Variants in PLEKHG3 observed in about 807,000 individuals in gnomAD.
The protein encoded by PLEKHG3 is pleckstrin homology domain-containing family G member 3.
A neutral mutation model predicts 94.9 loss-of-function variants in PLEKHG3; 62 were observed. The observed-to-expected ratio is 0.65, with a 90% CI of 0.53 to 0.81. The LOEUF (loss-of-function observed/expected upper bound fraction) is 0.81. PLEKHG3 is among the 30% of genes least tolerant of loss of function. The probability of loss-of-function intolerance (pLI) is 0.00; values close to 1 mark genes in which losing one functional copy is unlikely to be tolerated. For missense variants in PLEKHG3, 1,461 were observed against 1,619.3 expected, an observed-to-expected ratio of 0.90 and a Z score of 1.68; for synonymous variants, 614 against 654.0, an observed-to-expected ratio of 0.94 and a Z score of 0.93.
Position 64,738,781 on chromosome 14 carries a change from A to G in PLEKHG3, c.1444A>G (p.Arg482Gly). The change falls in exon 15 of 17, where the codon AGA (arginine) becomes GGA (glycine). Residue 482 changes from arginine (R) to glycine (G), a missense_variant. Arg to Gly is a moderately radical substitution (Grantham distance 125, BLOSUM62 -2). This residue lies in a region of PLEKHG3 where 1,201 missense variants were observed against 1,295.5 expected (regional missense o/e 0.93). Coordinates refer to ENST00000247226, the MANE Select transcript of PLEKHG3 (RefSeq NM_001308147.2). This position sits in a 1 kb window ranked among gnomAD's most constrained non-coding sequence, Gnocchi z 4.8. ...RRESESSRSS[R>G]RPSGRSPTST... ...GGAGTCTGAAAGCTCCAGGAGCAGC[A>G]GAAGGCCCAGTGGCCGGTCTCCAAC... 6.3e-7 allele frequency: 1 copy of G among 1,599,500 alleles called. No homozygotes were observed. The highest frequency in any genetic ancestry group is 1.1e-5 in the South Asian group (1 of 88,294).
In PLEKHG3 at chr14:64,749,376, G is replaced by C. The variant is rs1444221072; in HGVS notation, c.*5673G>C. ...CTTGCCGAGGCTGGCGTCGGGGCCG[G>C]AGAGGGAAGGCAGGGGCAGGCTCTG... On this transcript the variant is annotated 3_prime_UTR_variant, in exon 17 of 17. Coordinates refer to ENST00000247226, the MANE Select transcript of PLEKHG3 (RefSeq NM_001308147.2). This position sits in a 1 kb window ranked among gnomAD's most constrained non-coding sequence, Gnocchi z 4.7. The C allele has an allele frequency of 2.5e-6, 4 of 1,610,252 alleles. No homozygotes were observed. Among genetic ancestry groups the C allele is most frequent in the South Asian group, 1.1e-5 (1 of 91,022 alleles).
rs376479670 is a variant in PLEKHG3, at chr14:64,749,953, G to A, written c.*6250G>A. ...TAATGCCAAATCAAGCCATCAACCCGAGCTTTCAAAGGCCAGGAAGGCCTC... is the reference window on the plus strand; with the variant it reads ...TAATGCCAAATCAAGCCATCAACCCAAGCTTTCAAAGGCCAGGAAGGCCTC... On this transcript the variant is annotated 3_prime_UTR_variant, in exon 17 of 17. Coordinates refer to ENST00000247226, the MANE Select transcript of PLEKHG3 (RefSeq NM_001308147.2). The surrounding 1 kb of genome is among the most constrained non-coding windows in gnomAD (Gnocchi z 4.7). The A allele has an allele frequency of 2.6e-5, 42 of 1,613,984 alleles. No individual in the cohort carries two copies. The highest frequency in any genetic ancestry group is 5.3e-5 in the African/African-American group (4 of 74,932).
Position 64,739,305 on chromosome 14 carries a change from A to G in PLEKHG3, c.1518+450A>G, listed in dbSNP as rs763003858. ...TTATTTCTTCCTACTCTTCCCCACAATGGCTCTAGAAGGAAAAGGGCACTG... is the reference window on the plus strand; with the variant it reads ...TTATTTCTTCCTACTCTTCCCCACAGTGGCTCTAGAAGGAAAAGGGCACTG... On this transcript the variant is annotated intron_variant, in intron 15 of 16. Coordinates refer to ENST00000247226, the MANE Select transcript of PLEKHG3 (RefSeq NM_001308147.2). The surrounding 1 kb of genome is among the most constrained non-coding windows in gnomAD (Gnocchi z 4.1). Among the ~76,000 whole-genome samples, 3 of 152,120 alleles carry G rather than the reference A, an allele frequency of 2.0e-5. No individual in the cohort carries two copies. The highest frequency in any genetic ancestry group is 4.4e-5 in the Non-Finnish European group (3 of 68,010).
At chr14:64,708,394 A>C (rs980839858) in intron 1 of PLEKHG3, among the ~76,000 whole-genome samples, 14 of 152,202 alleles carry the variant, frequency 9.2e-5, no homozygotes, top group African/African-American at 3.4e-4. Context: ...TGGAGGTCGG[A>C]AGCGGAGTGG....
At chr14:64,714,652 C>T (rs1220701128) in intron 1 of PLEKHG3, among the ~76,000 whole-genome samples, 4 of 152,312 alleles carry the variant, frequency 2.6e-5, no homozygotes, top group African/African-American at 9.6e-5. Flanking sequence ...CTTCTTTTCA[C>T]ACAGGAAGTC....
intron 1 of PLEKHG3, among the ~76,000 whole-genome samples, chr14:64,712,966 G>T (rs767198766): frequency 2.0e-5 from 3 of 152,112 alleles, no homozygotes; most frequent in Admixed American, 1.3e-4. Context: ...TGTAAGGTTG[G>T]GGATATTCTC....
chr14:64,749,740 G>A lies in PLEKHG3; in HGVS notation c.*6037G>A. 6.2e-7 allele frequency: 1 copy of A among 1,605,862 alleles called. No homozygotes were observed. On this transcript the variant is annotated 3_prime_UTR_variant, in exon 17 of 17. Coordinates refer to ENST00000247226, the MANE Select transcript of PLEKHG3 (RefSeq NM_001308147.2). This position sits in a 1 kb window ranked among gnomAD's most constrained non-coding sequence, Gnocchi z 4.7. ...TCCTGTCATGGAGACACCTCTGGAGGGGGCGCTGGGCAGAGGGCTGGCTCT... is the reference window on the plus strand; with the variant it reads ...TCCTGTCATGGAGACACCTCTGGAGAGGGCGCTGGGCAGAGGGCTGGCTCT...
In PLEKHG3 at chr14:64,750,204, T is replaced by C. The variant is rs760084781; in HGVS notation, c.*6501T>C. 141 of 1,550,564 alleles carry C rather than the reference T, an allele frequency of 9.1e-5. No individual in the cohort carries two copies. Among genetic ancestry groups the C allele is most frequent in the Non-Finnish European group, 1.2e-4 (138 of 1,130,042 alleles). On this transcript the variant is annotated 3_prime_UTR_variant, in exon 17 of 17. Coordinates refer to ENST00000247226, the MANE Select transcript of PLEKHG3 (RefSeq NM_001308147.2). ...CACCCACATCCTGATATGGTATCTCTAGAGTCAATTCCTATAGCTTCACCA... is the reference window on the plus strand; with the variant it reads ...CACCCACATCCTGATATGGTATCTCCAGAGTCAATTCCTATAGCTTCACCA...
chr14:64,749,516 C>T lies in PLEKHG3; in HGVS notation c.*5813C>T, dbSNP rs1566729729. 1.3e-6 allele frequency: 2 copies of T among 1,597,426 alleles called. No homozygotes were observed. Among genetic ancestry groups the T allele is most frequent in the Middle Eastern group, 1.8e-4 (1 of 5,630 alleles). On this transcript the variant is annotated 3_prime_UTR_variant, in exon 17 of 17. Coordinates refer to ENST00000247226, the MANE Select transcript of PLEKHG3 (RefSeq NM_001308147.2). The surrounding 1 kb of genome is among the most constrained non-coding windows in gnomAD (Gnocchi z 4.7). ...ACGGTGGAGTCTGGAGGCCCACAGC[C>T]CCCCACCTCCCGGGCCAGGCAACAA...
Position 64,741,372 on chromosome 14 carries a change from G to T in PLEKHG3, c.1855G>T (p.Val619Leu). 1.2e-6 allele frequency: 2 copies of T among 1,613,412 alleles called. No individual in the cohort carries two copies. Among genetic ancestry groups the T allele is most frequent in the Non-Finnish European group, 1.7e-6 (2 of 1,180,038 alleles). Reference protein sequence around the residue: ...FVSSFSRRSSVAQEDSKSSGF... With the variant: ...FVSSFSRRSSLAQEDSKSSGF... ...CAGCAGCTTCTCTCGGCGGAGCAGC[G>T]TGGCACAGGAGGACAGCAAGTCCAG... Residue 619 changes from valine (V) to leucine (L), a missense_variant, in exon 16 of 17, where the codon GTG becomes TTG. Physicochemically the swap from Val to Leu is conservative, Grantham distance 32. Transcript: ENST00000247226.
Position 64,738,703 on chromosome 14 carries a change from A to T in PLEKHG3, c.1405-39A>T. 1 of 1,376,396 alleles carries T rather than the reference A, an allele frequency of 7.3e-7. No homozygotes were observed. Among genetic ancestry groups the T allele is most frequent in the Non-Finnish European group, 1.0e-6 (1 of 986,338 alleles). The allele number at this position is 1,376,396 out of a possible 1,614,324, so 85.3% of individuals were successfully genotyped here. On this transcript the variant is annotated intron_variant, in intron 14 of 16. Transcript: ENST00000247226. The surrounding 1 kb of genome is among the most constrained non-coding windows in gnomAD (Gnocchi z 4.8). ...TGGGATGCAGAAGGGATCAGCTTCCAGTTGTCTTGGAGTTGATGACTGACC... is the reference window on the plus strand; with the variant it reads ...TGGGATGCAGAAGGGATCAGCTTCCTGTTGTCTTGGAGTTGATGACTGACC...
In PLEKHG3 at chr14:64,727,674, C is replaced by A; in HGVS notation, c.43C>A (p.Arg15=). Residue 15 remains arginine (R), a synonymous_variant, in exon 2 of 17, where the codon CGG becomes AGG. Coordinates refer to ENST00000247226, the MANE Select transcript of PLEKHG3 (RefSeq NM_001308147.2). This position sits in a 1 kb window ranked among gnomAD's most constrained non-coding sequence, Gnocchi z 6.0. Reference sequence around the variant, plus strand: ...CCTCCACCAGGATGGCAGCCAGGAGCGGCCGGTGAGCCTGACCTCTACCAC... The same window carrying A: ...CCTCCACCAGGATGGCAGCCAGGAGAGGCCGGTGAGCCTGACCTCTACCAC... ...TSLHQDGSQE[R]PVSLTSTTSS... 1 of 1,612,492 alleles carries A rather than the reference C, an allele frequency of 6.2e-7. No individual in the cohort carries two copies. Among genetic ancestry groups the A allele is most frequent in the Non-Finnish European group, 8.5e-7 (1 of 1,179,672 alleles).
rs200411985 is a variant in PLEKHG3, at chr14:64,741,726, C to T, written c.2209C>T (p.Arg737Cys). ...ACACCATGATGCAGGCTTCAGCGTCCGTCGCCGGGAGAGCCTCTCCTACAT... is the reference window on the plus strand; with the variant it reads ...ACACCATGATGCAGGCTTCAGCGTCTGTCGCCGGGAGAGCCTCTCCTACAT... ...AEHHDAGFSV[R>C]RRESLSYIPK... The change falls in exon 16 of 17, where the codon CGT (arginine) becomes TGT (cysteine). Residue 737 changes from arginine (R) to cysteine (C), a missense_variant. By Grantham distance (180) the Arg-to-Cys change is radical (BLOSUM62 -3). Transcript: ENST00000247226. 87 of 1,613,110 alleles carry T rather than the reference C, an allele frequency of 5.4e-5. No homozygotes were observed. Among genetic ancestry groups the T allele is most frequent in the South Asian group, 6.6e-5 (6 of 91,080 alleles).
intron 1 of PLEKHG3, among the ~76,000 whole-genome samples, chr14:64,714,600 C>T (rs1214180421): frequency 6.6e-6 from 1 of 152,184 alleles, no homozygotes; most frequent in East Asian, 1.9e-4. Flanking sequence ...GCACGTGGCA[C>T]ATGGTTTATA....
rs542503111 is a variant in PLEKHG3 at position 64,729,946 on chromosome 14, CCTT to C, written c.450-294_450-292del. Among the ~76,000 whole-genome samples the C allele has an allele frequency of 9.2e-5, 14 of 152,338 alleles. No homozygotes were observed. The South Asian group carries it at 1.0e-3, about 11-fold the overall frequency. On this transcript the variant is annotated intron_variant, in intron 3 of 16. Transcript: ENST00000247226. ...ATCCTCTGCTTTTGTGTGTTTGACT[CCTT>C]CTGCCTGCAGAGGAGCTGTGTCCCC...
intron 1 of PLEKHG3, among the ~76,000 whole-genome samples, chr14:64,714,977 A>G (rs574544896): frequency 6.6e-6 from 1 of 152,290 alleles, no homozygotes; most frequent in Admixed American, 6.5e-5. Context: ...GCAATAGAAC[A>G]CTCAGAGAAA....
chr14:64,747,994 T>C lies in PLEKHG3; in HGVS notation c.*4291T>C, dbSNP rs1163980191. ...GGGACGTTGGTTGCAGAGCTTCTGG[T>C]GCTCAGGGCTGGAGGGTGGTAGATA... is the stretch of plus-strand genomic sequence containing the variant. On this transcript the variant is annotated 3_prime_UTR_variant, in exon 17 of 17. Transcript: ENST00000247226. 1 of 152,148 alleles carries C rather than the reference T, an allele frequency of 6.6e-6. No individual in the cohort carries two copies. The highest frequency in any genetic ancestry group is 1.5e-5 in the Non-Finnish European group (1 of 68,064). 9.4% of individuals were successfully genotyped at this position (152,148 alleles called of 1,614,324 possible). A position where few individuals can be genotyped will look rare whatever the true frequency, so the allele number is the denominator to read the frequency against.
rs956681448 is a variant in PLEKHG3, at chr14:64,725,970, C to T, written c.-39-1623C>T. ...GGCAGAGGGTCTCAAACTAGTCACA[C>T]TGTCTCAGGCCAGTGCTACAGTAGG... On this transcript the variant is annotated intron_variant, in intron 1 of 16. Transcript: ENST00000247226. This position sits in a 1 kb window ranked among gnomAD's most constrained non-coding sequence, Gnocchi z 5.0. Among the ~76,000 whole-genome samples the T allele has an allele frequency of 9.8e-5, 15 of 152,286 alleles. No homozygotes were observed. The East Asian group carries it at 1.9e-3, about 20-fold the overall frequency.
At position 64,737,358 on chromosome 14, in the gene PLEKHG3, C is replaced by G. The variant is rs755962656; in HGVS notation, c.1387C>G (p.Arg463Gly). Residue 463 changes from arginine (R) to glycine (G), a missense_variant and splice_region_variant, in exon 14 of 17, where the codon CGA (arginine) becomes GGA (glycine). By Grantham distance (125) the Arg-to-Gly change is moderately radical. Transcript: ENST00000247226. ...GGACCCGGTGGTGATGTCTGCAGCC[C>G]GAGCAGCAGGAATGAAGGTAAAGGC... The part of the protein sequence containing the change: ...HLLRQLNEKA[R>G]AAGMKGKGRR... 10 of 1,602,042 alleles carry G rather than the reference C, an allele frequency of 6.2e-6. No homozygotes were observed. Among genetic ancestry groups the G allele is most frequent in the Non-Finnish European group, 4.3e-6 (5 of 1,174,842 alleles).
Sources: gnomAD v4.1 joint callset for allele counts (sites outside exome capture counted in the v4.1 genomes callset) on GRCh38, gnomAD v4.1.1 for gene constraint, gnomAD v4.1.1 regional missense constraint, Gnocchi (gnomAD v3.1) non-coding constraint, MANE v1.5 for transcripts, NCBI Gene and HGNC (gene_info 2026-07-23, HGNC 2026-07-21) for gene names.